SMARCB1: variants seen among roughly 807,000 people sequenced by gnomAD.
SMARCB1 encodes SWI/SNF related BAF chromatin remodeling complex subunit B1.
In SMARCB1, 5 loss-of-function variants were observed where a neutral mutation model predicts 49.0. That is an observed-to-expected ratio of 0.10 (90% CI 0.05 to 0.21). The LOEUF is 0.21. Among genes scored for constraint, SMARCB1 ranks in the 10% least tolerant of loss-of-function variants. The pLI, the probability that SMARCB1 is intolerant of heterozygous loss-of-function variation, is 1.00. For synonymous variants in SMARCB1, 201 were observed against 200.1 expected (o/e 1.00, Z -0.04); for missense variants, 226 against 509.2 (o/e 0.44, Z 5.35).
chr22:23,837,935 T>G lies in SMARCB1; in HGVS notation c.*3755T>G. ...CTGACTTCCCAAGACCCTGGAATTC[T>G]TCCCCTCATCTCCCCTATGTGCTAT... On this transcript the variant is annotated 3_prime_UTR_variant, in exon 9 of 9. Transcript: ENST00000644036. 1 of 1,398,822 alleles carries G rather than the reference T, an allele frequency of 7.1e-7. No homozygotes were observed. The highest frequency in any genetic ancestry group is 9.6e-7 in the Non-Finnish European group (1 of 1,040,970). 86.7% of individuals were successfully genotyped at this position (1,398,822 alleles called of 1,614,324 possible).
intron 7 of SMARCB1, among the ~76,000 whole-genome samples, chr22:23,831,196 G>A (rs948800683): frequency 6.6e-6 from 1 of 152,218 alleles, no homozygotes; most frequent in Non-Finnish European, 1.5e-5. Context: ...TCGAGTGGCT[G>A]TGGACAGGTC....
At chr22:23,827,402 C>T (rs986939655) in intron 7 of SMARCB1, among the ~76,000 whole-genome samples, 3 of 152,214 alleles carry the variant, frequency 2.0e-5, no homozygotes, top group Non-Finnish European at 2.9e-5. Flanking sequence ...TTCCAAGTTC[C>T]GGGCCCTCTG....
At chr22:23,833,818 T>G in intron 8 of SMARCB1, 115 bp downstream of exon 8, 1 of 1,225,228 alleles carries the variant, frequency 8.2e-7, no homozygotes, top group Non-Finnish European at 1.2e-6. Flanking sequence ...GTACCTCTAG[T>G]GCTGCTAGAG....
chr22:23,812,602 C>T (rs952517695), intron 5 of SMARCB1, among the ~76,000 whole-genome samples: 7 of 152,038 alleles, frequency 4.6e-5, no homozygotes, highest in African/African-American at 1.7e-4. Flanking sequence ...TAGAATTCAG[C>T]AATATATAGA....
At chr22:23,806,706 G>A (rs1463826518) in intron 5 of SMARCB1, among the ~76,000 whole-genome samples, 1 of 152,118 alleles carries the variant, frequency 6.6e-6, no homozygotes, top group Non-Finnish European at 1.5e-5. Context: ...AAGATCACTT[G>A]AGGCCAGGAG....
intron 3 of SMARCB1, among the ~76,000 whole-genome samples, chr22:23,797,678 C>T (rs1453362267): frequency 3.4e-5 from 4 of 117,996 alleles, no homozygotes; most frequent in Admixed American, 1.2e-4. Context: ...AGTGAAGTGG[C>T]GGGATCTCAG....
At position 23,787,048 on chromosome 22, in the gene SMARCB1, C is replaced by T. The variant is rs987683829; in HGVS notation, c.-122C>T. On this transcript the variant is annotated 5_prime_UTR_variant, in exon 1 of 9. Transcript: ENST00000644036. ...GAGGAGCCCGGCTGAGGCGCCAGTA[C>T]CCGGCCCGGTCCGCATTTCGCCTTC... The T allele has an allele frequency of 3.0e-6, 2 of 664,714 alleles. No individual in the cohort carries two copies. Among genetic ancestry groups the T allele is most frequent in the Non-Finnish European group, 5.3e-6 (2 of 380,846 alleles). 41.2% of individuals were successfully genotyped at this position (664,714 alleles called of 1,614,324 possible).
At chr22:23,812,391 A>G (rs35392420) in intron 5 of SMARCB1, among the ~76,000 whole-genome samples, 14,768 of 152,182 alleles carry the variant, frequency 0.097, 2,150 homozygotes, top group African/African-American at 0.32. Flanking sequence ...AATTCTGTCT[A>G]TCAAATGTTG....
At chr22:23,799,868 TAG>T (rs1383767478) in intron 3 of SMARCB1, among the ~76,000 whole-genome samples, 1 of 152,032 alleles carries the variant, frequency 6.6e-6, no homozygotes, top group Non-Finnish European at 1.5e-5. Context: ...GTATTTTTAG[TAG>T]AGACGGGCTT....
intron 5 of SMARCB1, chr22:23,803,688 A>G (rs1318685248): frequency 7.3e-6 from 4 of 548,708 alleles, no homozygotes; most frequent in East Asian, 6.5e-5. Flanking sequence ...GCTGATCTGC[A>G]TAGCATGGAT....
In SMARCB1 at chr22:23,837,161, GAC is replaced by G; in HGVS notation, c.*2983_*2984del. The G allele has an allele frequency of 1.2e-6, 2 of 1,613,674 alleles. No homozygotes were observed. The highest frequency in any genetic ancestry group is 1.7e-6 in the Non-Finnish European group (2 of 1,179,840). Reference sequence around the variant, plus strand: ...ATATGGCCCACCGCAATCCCTGTGAGACAGCCACGGACTGTGGGGTCACCCTC... The same window carrying G: ...ATATGGCCCACCGCAATCCCTGTGAGAGCCACGGACTGTGGGGTCACCCTC... On this transcript the variant is annotated 3_prime_UTR_variant, in exon 9 of 9. Transcript: ENST00000644036.
chr22:23,793,757 T>C (rs1928559486), intron 3 of SMARCB1, 69 bp downstream of exon 3: 6 of 1,477,040 alleles, frequency 4.1e-6, no homozygotes, highest in Non-Finnish European at 5.7e-6. Flanking sequence ...CAAGAACTGG[T>C]TGGGTTGAAG....
intron 3 of SMARCB1, among the ~76,000 whole-genome samples, chr22:23,794,912 A>G (rs1928643609): frequency 6.6e-6 from 1 of 152,120 alleles, no homozygotes; most frequent in African/African-American, 2.4e-5. Context: ...AAAAACAAAA[A>G]CAAAACAAAA....
chr22:23,815,897 T>C (rs927385141), intron 5 of SMARCB1: 22 of 152,316 alleles, frequency 1.4e-4, no homozygotes, highest in African/African-American at 4.3e-4. Flanking sequence ...TTTAAAATGC[T>C]CTGGGCAGTG....
chr22:23,825,150 C>T, intron 6 of SMARCB1, 75 bp from the exon 7 acceptor site: 2 of 1,310,298 alleles, frequency 1.5e-6, no homozygotes, highest in South Asian at 2.4e-5. Context: ...CACCCCAGGC[C>T]TGGCAGGGCC....
At chr22:23,832,987 C>G (rs956445267) in intron 7 of SMARCB1, among the ~76,000 whole-genome samples, 1 of 152,108 alleles carries the variant, frequency 6.6e-6, no homozygotes. Flanking sequence ...CTGTCTGATC[C>G]TAAGCACAGA....
chr22:23,787,693 G>A (rs1928101976), intron 1 of SMARCB1, among the ~76,000 whole-genome samples: 1 of 152,186 alleles, frequency 6.6e-6, no homozygotes, highest in Non-Finnish European at 1.5e-5. Context: ...TGGCAGGCTG[G>A]AAACCCTGGA....
intron 7 of SMARCB1, among the ~76,000 whole-genome samples, chr22:23,829,478 G>A (rs1204958727): frequency 6.6e-6 from 1 of 152,168 alleles, no homozygotes; most frequent in Non-Finnish European, 1.5e-5. Context: ...AGAGACTAAG[G>A]GTCAGGGAGC....
intron 5 of SMARCB1, 175 bp downstream of exon 5, chr22:23,803,597 C>T (rs1929311143): frequency 5.2e-6 from 4 of 765,244 alleles, no homozygotes; most frequent in Admixed American, 2.0e-5. Context: ...TGTTGCTGTT[C>T]ACTGTGGATT....
Sources: gnomAD v4.1 joint callset for allele counts (sites outside exome capture counted in the v4.1 genomes callset) on GRCh38, gnomAD v4.1.1 for gene constraint, MANE v1.5 for transcripts, NCBI Gene and HGNC (gene_info 2026-07-23, HGNC 2026-07-21) for gene names.